Variants in NACC2 observed in about 807,000 individuals in gnomAD.
The protein encoded by NACC2 is nucleus accumbens-associated protein 2.
In NACC2, 8 loss-of-function variants were observed where a neutral mutation model predicts 25.1. That is an observed-to-expected ratio of 0.32 (90% CI 0.19 to 0.57). The LOEUF (loss-of-function observed/expected upper bound fraction) is 0.57. NACC2 is among the 20% of genes least tolerant of loss of function. The pLI, the probability that NACC2 is intolerant of heterozygous loss-of-function variation, is 0.89. For synonymous variants in NACC2, 435 were observed against 294.7 expected (o/e 1.48, Z -4.88); for missense variants, 644 against 650.2 (o/e 0.99, Z 0.10).
chr9:136,070,228 C>T (rs2131177703), intron 1 of NACC2, among the ~76,000 whole-genome samples: 1 of 152,002 alleles, frequency 6.6e-6, no homozygotes, highest in South Asian at 2.1e-4. Flanking sequence ...CAAATACGGG[C>T]CGGGCGTGGT....
In NACC2 at chr9:136,022,598, G is replaced by T. The variant is rs1840308169; in HGVS notation, c.887-6169C>A. On this transcript the variant is annotated intron_variant, in intron 2 of 5. Coordinates refer to ENST00000277554, the MANE Select transcript of NACC2 (RefSeq NM_144653.5). This position sits in a 1 kb window ranked among gnomAD's most constrained non-coding sequence, Gnocchi z 4.4. ...CAGCTCGCTGCCTCCTGGCCAGTGA[G>T]CCTGTTCTGGGTCCAGTGCTTCTGG... Among the ~76,000 whole-genome samples, 3 of 152,182 alleles carry T rather than the reference G, an allele frequency of 2.0e-5. No homozygotes were observed. Among genetic ancestry groups the T allele is most frequent in the Admixed American group, 1.3e-4 (2 of 15,284 alleles).
At chr9:136,058,345 C>G (rs1035619170) in intron 1 of NACC2, among the ~76,000 whole-genome samples, 11 of 151,694 alleles carry the variant, frequency 7.3e-5, no homozygotes, top group African/African-American at 2.7e-4. Context: ...GCTCCCAGTG[C>G]CTGGCCCAGG....
chr9:136,083,188 G>A, intron 1 of NACC2, among the ~76,000 whole-genome samples: 1 of 152,232 alleles, frequency 6.6e-6, no homozygotes, highest in African/African-American at 2.4e-5. Context: ...CAACAGAAGA[G>A]CCAGTGGCCA....
chr9:136,029,672 C>T (rs1048848486), intron 2 of NACC2, among the ~76,000 whole-genome samples: 6 of 152,174 alleles, frequency 3.9e-5, no homozygotes, highest in African/African-American at 1.4e-4. Context: ...CAGGTGCCAC[C>T]GTGTTTCCCA....
At chr9:136,090,562 C>T (rs368710459) in intron 1 of NACC2, among the ~76,000 whole-genome samples, 25 of 152,312 alleles carry the variant, frequency 1.6e-4, no homozygotes, top group Middle Eastern at 6.8e-3. Flanking sequence ...AGCAGGCACC[C>T]AGCTCCCAAC....
intron 2 of NACC2, among the ~76,000 whole-genome samples, chr9:136,041,686 C>T (rs1409934655): frequency 6.6e-6 from 1 of 152,036 alleles, no homozygotes; most frequent in Non-Finnish European, 1.5e-5. Flanking sequence ...GTAGTGATGG[C>T]CACACAGCTC....
In NACC2 at chr9:136,047,245, G is replaced by A. The variant is rs1423877223; in HGVS notation, c.886+2391C>T. Among the ~76,000 whole-genome samples the A allele has an allele frequency of 1.3e-4, 20 of 152,296 alleles. No homozygotes were observed. The South Asian group carries it at 2.1e-3, about 16-fold the overall frequency. ...GAGGGCACGGGGAGCTAGCACCCAG[G>A]GGCAGCTCCAGGTCAGGCGACGGCC... On this transcript the variant is annotated intron_variant, in intron 2 of 5. Coordinates refer to ENST00000277554, the MANE Select transcript of NACC2 (RefSeq NM_144653.5).
intron 1 of NACC2, among the ~76,000 whole-genome samples, chr9:136,073,884 C>T (rs986556340): frequency 6.6e-6 from 1 of 152,168 alleles, no homozygotes; most frequent in Admixed American, 6.5e-5. Context: ...ATCTGGTCTG[C>T]CCAGAAGCAG....
At chr9:136,079,484 C>T (rs183989786) in intron 1 of NACC2, among the ~76,000 whole-genome samples, 89 of 152,302 alleles carry the variant, frequency 5.8e-4, no homozygotes, top group Admixed American at 8.5e-4. Flanking sequence ...ACAGGCTGGA[C>T]GCCAGCAGGT....
chr9:136,048,014 C>G (rs1256091126), intron 2 of NACC2, among the ~76,000 whole-genome samples: 11 of 152,082 alleles, frequency 7.2e-5, no homozygotes, highest in Admixed American at 7.2e-4. Flanking sequence ...TACGATGGGT[C>G]TGTTTCCATC....
intron 1 of NACC2, among the ~76,000 whole-genome samples, chr9:136,087,843 C>T (rs879937236): frequency 6.6e-6 from 1 of 152,244 alleles, no homozygotes; most frequent in South Asian, 2.1e-4. Context: ...CTGTCCTCCC[C>T]GGTCTGAGCT....
intron 2 of NACC2, among the ~76,000 whole-genome samples, chr9:136,044,649 G>A (rs1024610099): frequency 2.0e-5 from 3 of 152,200 alleles, no homozygotes; most frequent in Non-Finnish European, 2.9e-5. Context: ...ACGATGGTGC[G>A]ATTTGCATAC....
intron 1 of NACC2, among the ~76,000 whole-genome samples, chr9:136,053,540 G>A (rs1442619896): frequency 6.6e-6 from 1 of 152,180 alleles, no homozygotes; most frequent in African/African-American, 2.4e-5. Context: ...CTTAGTTTCT[G>A]CCTCATCCAG....
rs2131155423 is a variant in NACC2 at position 136,042,311 on chromosome 9, T to C, written c.886+7325A>G. Among the ~76,000 whole-genome samples, 4 of 151,966 alleles carry C rather than the reference T, an allele frequency of 2.6e-5. No homozygotes were observed. In the South Asian group the frequency reaches 8.3e-4, roughly 32 times the overall value. On this transcript the variant is annotated intron_variant, in intron 2 of 5. Transcript: ENST00000277554. Reference sequence around the variant, plus strand: ...CCCAAAACAATTTTCAATAAGAAAATGAAGTTGAAGACCTACACAACCTGA... The same window carrying C: ...CCCAAAACAATTTTCAATAAGAAAACGAAGTTGAAGACCTACACAACCTGA...
At chr9:136,073,194 G>A (rs1190560796) in intron 1 of NACC2, among the ~76,000 whole-genome samples, 2 of 152,138 alleles carry the variant, frequency 1.3e-5, no homozygotes, top group Admixed American at 1.3e-4. Flanking sequence ...ACGGGAGGCT[G>A]GGGTGGGAGG....
At chr9:136,077,417 C>G (rs1378582589) in intron 1 of NACC2, among the ~76,000 whole-genome samples, 1 of 152,116 alleles carries the variant, frequency 6.6e-6, no homozygotes, top group East Asian at 1.9e-4. Flanking sequence ...TAACAGGGCA[C>G]AAAGGACATT....
chr9:136,073,764 A>G (rs1022548321), intron 1 of NACC2, among the ~76,000 whole-genome samples: 6 of 152,204 alleles, frequency 3.9e-5, no homozygotes, highest in Non-Finnish European at 8.8e-5. Flanking sequence ...CAATGGGTCT[A>G]TTCCTAATTG....
At chr9:136,070,989 G>A (rs1564238710) in intron 1 of NACC2, among the ~76,000 whole-genome samples, 1 of 151,734 alleles carries the variant, frequency 6.6e-6, no homozygotes, top group Non-Finnish European at 1.5e-5. Flanking sequence ...CAGCACTTTG[G>A]GAGGCTGAGG....
intron 1 of NACC2, among the ~76,000 whole-genome samples, chr9:136,071,206 C>T (rs1042210264): frequency 6.6e-6 from 1 of 151,310 alleles, no homozygotes; most frequent in African/African-American, 2.5e-5. Context: ...ACACTCCATC[C>T]AGCCTGGGAG....
Sources: gnomAD v4.1 joint callset for allele counts (sites outside exome capture counted in the v4.1 genomes callset) on GRCh38, gnomAD v4.1.1 for gene constraint, Gnocchi (gnomAD v3.1) non-coding constraint, MANE v1.5 for transcripts, NCBI Gene and HGNC (gene_info 2026-07-23, HGNC 2026-07-21) for gene names.